UBR4: variants seen among roughly 807,000 people sequenced by gnomAD.
UBR4 encodes E3 ubiquitin-protein ligase UBR4.
UBR4 carries 124 observed loss-of-function variants against 575.6 expected under a neutral mutation model. The ratio of observed to expected loss-of-function variants is 0.22; its 90% CI spans 0.19 to 0.25. UBR4 has a LOEUF of 0.25. Among genes scored for constraint, UBR4 ranks in the 10% least tolerant of loss-of-function variants. The pLI, the probability that UBR4 is intolerant of heterozygous loss-of-function variation, is 1.00. For missense variants in UBR4, 4,818 were observed against 6,478.8 expected (o/e 0.74, Z 8.80); for synonymous variants, 2,455 against 2,473.7 (o/e 0.99, Z 0.22).
Position 19,126,565 on chromosome 1 carries a change from C to A in UBR4, c.9319G>T (p.Glu3107Ter). 6.2e-7 allele frequency: 1 copy of A among 1,614,214 alleles called. No homozygotes were observed. Among genetic ancestry groups the A allele is most frequent in the Non-Finnish European group, 8.5e-7 (1 of 1,180,040 alleles). ...YCLHVLKSLL[E>*]YWKSQQNDEE... is the part of the protein sequence containing the mutation. ...TCATTCTGTTGGCTCTTCCAATATT[C>A]CAGCAGTGATTTGAGCACGTGCAGG... Residue 3107 changes from glutamate (E) to a stop codon, truncating the protein, a stop_gained, in exon 64 of 106, where the codon GAA becomes TAA. Transcript: ENST00000375254. LOFTEE classifies it high-confidence loss of function.
chr1:19,118,149 G>A, intron 71 of UBR4: 1 of 428,268 alleles, frequency 2.3e-6, no homozygotes, highest in Non-Finnish European at 4.2e-6. Context: ...TCCTTCAGAG[G>A]AATTCTAAAA....
Position 19,134,959 on chromosome 1 carries a change from G to GT in UBR4, c.8906+3047dup, listed in dbSNP as rs142748824. On this transcript the variant is annotated intron_variant, in intron 60 of 105. Coordinates refer to ENST00000375254, the MANE Select transcript of UBR4 (RefSeq NM_020765.3). ...GCTGAGAATATAGTCCAGTTTATAG[G>GT]TTTTTTTTTCCTTTTAATGCTTTTG... Among the ~76,000 whole-genome samples the GT allele has an allele frequency of 5.0e-3, 755 of 151,214 alleles. 19 individuals carry two copies. In the East Asian group the frequency reaches 0.068, roughly 14 times the overall value.
chr1:19,134,842 C>T (rs2083011482), intron 60 of UBR4, among the ~76,000 whole-genome samples: 1 of 152,176 alleles, frequency 6.6e-6, no homozygotes, highest in Non-Finnish European at 1.5e-5. Flanking sequence ...TGCACCTGCA[C>T]CCCCGACCCC....
intron 68 of UBR4, among the ~76,000 whole-genome samples, chr1:19,120,549 G>A (rs6668292): frequency 0.01 from 1,533 of 152,328 alleles, 23 homozygotes; most frequent in East Asian, 0.067. Context: ...TATGTGTAAC[G>A]TTGGTGATGC....
At chr1:19,081,678 T>C (rs747937529) in intron 102 of UBR4, 105 bp from the exon 103 acceptor site, 1 of 1,286,210 alleles carries the variant, frequency 7.8e-7, no homozygotes. Context: ...TGACATTTGC[T>C]GAACGCTTGG....
chr1:19,109,863 C>T (rs1289813946), intron 81 of UBR4, among the ~76,000 whole-genome samples: 1 of 152,276 alleles, frequency 6.6e-6, no homozygotes, highest in African/African-American at 2.4e-5. Context: ...TCATCCTTCA[C>T]AGCTAGCCAC....
chr1:19,143,871 A>G (rs571730346), intron 55 of UBR4, 109 bp downstream of exon 55: 1 of 922,178 alleles, frequency 1.1e-6, no homozygotes, highest in Admixed American at 2.2e-5. Flanking sequence ...AGATACATAA[A>G]GTCTCCAGGA....
intron 100 of UBR4, 60 bp from the exon 101 acceptor site, chr1:19,086,330 C>T: frequency 2.5e-5 from 1 of 40,772 alleles, no homozygotes; most frequent in Non-Finnish European, 3.9e-5. Context: ...AACCAGGCAC[C>T]TGGGCGGGGG....
At chr1:19,077,890 G>A in intron 104 of UBR4, 86 bp downstream of exon 104, 4 of 1,608,072 alleles carry the variant, frequency 2.5e-6, no homozygotes, top group Non-Finnish European at 3.4e-6. Flanking sequence ...GAGCAGCCAT[G>A]TGGGTGCTGA....
rs749645294 is a variant in UBR4, at chr1:19,139,235, A to C, written c.8594-15T>G. 3 of 1,593,638 alleles carry C rather than the reference A, an allele frequency of 1.9e-6. No homozygotes were observed. The highest frequency in any genetic ancestry group is 2.6e-6 in the Non-Finnish European group (3 of 1,169,816). Reference sequence around the variant, plus strand: ...TGAGGCTGGAGCTGAGAGAGTAACGAGAGCTGTTACAGGTTAAAAAACAAA... The same window carrying C: ...TGAGGCTGGAGCTGAGAGAGTAACGCGAGCTGTTACAGGTTAAAAAACAAA... On this transcript the variant is annotated splice_polypyrimidine_tract_variant and intron_variant, in intron 58 of 105. Coordinates refer to ENST00000375254, the MANE Select transcript of UBR4 (RefSeq NM_020765.3). This position sits in a 1 kb window ranked among gnomAD's most constrained non-coding sequence, Gnocchi z 4.2.
chr1:19,086,639 G>A (rs2077044182), intron 100 of UBR4, 40 bp downstream of exon 100: 1 of 1,607,700 alleles, frequency 6.2e-7, no homozygotes, highest in Non-Finnish European at 8.5e-7. Context: ...CCCACAGGCA[G>A]GCCTACTGAA....
At position 19,141,399 on chromosome 1, in the gene UBR4, G is replaced by A. The variant is rs770529596; in HGVS notation, c.8436C>T (p.Asp2812=). 9 of 1,614,200 alleles carry A rather than the reference G, an allele frequency of 5.6e-6. No individual in the cohort carries two copies. The highest frequency in any genetic ancestry group is 4.5e-5 in the East Asian group (2 of 44,876). Residue 2812 remains aspartate, a synonymous_variant, in exon 57 of 106, where the codon GAC becomes GAT. Coordinates refer to ENST00000375254, the MANE Select transcript of UBR4 (RefSeq NM_020765.3). ...PMLDIPPDAD[D]ETMVELAIAL... ...CAATGGCTAGTTCAACCATGGTCTC[G>A]TCATCTGCATCAGGTGGGATGTCCA...
In UBR4 at chr1:19,173,077, C is replaced by T. The variant is rs61996302; in HGVS notation, c.3308G>A (p.Ser1103Asn). The change falls in exon 25 of 106, where the codon AGT becomes AAT. Residue 1103 changes from serine to asparagine, a missense_variant. Physicochemically the swap from Ser to Asn is conservative, Grantham distance 46. Transcript: ENST00000375254. ...YFARQISSFC[S>N]IDCTTILQLH... ...CTGCAAGATGGTGGTACAGTCGATA[C>T]TACAGAAGGATGAGATCTTTAAAAA... is the stretch of plus-strand genomic sequence containing the variant. 3 of 1,614,122 alleles carry T rather than the reference C, an allele frequency of 1.9e-6. No homozygotes were observed. In the South Asian group the frequency reaches 3.3e-5, roughly 18 times the overall value.
intron 67 of UBR4, 85 bp downstream of exon 67, chr1:19,121,849 T>G: frequency 2.1e-6 from 3 of 1,430,446 alleles, no homozygotes; most frequent in Non-Finnish European, 2.9e-6. Context: ...ATCTCCAGCA[T>G]CCAGTTCAGT....
chr1:19,199,709 A>G lies in UBR4; in HGVS notation c.320T>C (p.Leu107Pro). Reference protein sequence around the residue: ...LQSVAAACKVLIEFSLLRLEN... With the variant: ...LQSVAAACKVPIEFSLLRLEN... ...CAGACGCAGGAGAGAAAACTCAATT[A>G]GAACTTTACAGGCTGCTGCCACTGA... The change falls in exon 3 of 106, where the codon CTA becomes CCA. Residue 107 changes from leucine (L) to proline (P), a missense_variant. Leu to Pro is a moderately conservative substitution (Grantham distance 98). Transcript: ENST00000375254. 6.2e-7 allele frequency: 1 copy of G among 1,614,202 alleles called. No homozygotes were observed. The highest frequency in any genetic ancestry group is 8.5e-7 in the Non-Finnish European group (1 of 1,180,024).
Position 19,076,246 on chromosome 1 carries a change from G to A in UBR4, c.15487+494C>T, listed in dbSNP as rs188172074. Among the ~76,000 whole-genome samples, 23 of 152,346 alleles carry A rather than the reference G, an allele frequency of 1.5e-4. No homozygotes were observed. The South Asian group carries it at 1.7e-3, about 11-fold the overall frequency. On this transcript the variant is annotated intron_variant, in intron 105 of 105. Coordinates refer to ENST00000375254, the MANE Select transcript of UBR4 (RefSeq NM_020765.3). ...GTCTCCCACACCCACAGTTCAGAGC[G>A]GCCCTGCTGGGTCGCCCATGCCTCC...
In UBR4 at chr1:19,184,063, G is replaced by A. The variant is rs2091288605; in HGVS notation, c.2051C>T (p.Ala684Val). 3.7e-6 allele frequency: 6 copies of A among 1,614,030 alleles called. No homozygotes were observed. The highest frequency in any genetic ancestry group is 5.1e-6 in the Non-Finnish European group (6 of 1,180,026). The change falls in exon 16 of 106, where the codon GCC becomes GTC. Residue 684 changes from alanine to valine, a missense_variant. Around this residue, in one of 29 missense-constraint regions of UBR4, gnomAD observed 1,172 missense variants for 1,259.7 expected, o/e 0.93. Transcript: ENST00000375254. ...LSVSLSEHHM[A>V]TLASIIKEVD... is the part of the protein sequence containing the mutation. ...CTCCTTGATGATACTGGCTAGGGTG[G>A]CCATATGGTGTTCTGAAAGAGATAC...
intron 59 of UBR4, 144 bp from the exon 60 acceptor site, chr1:19,138,325 T>A: frequency 1.2e-6 from 1 of 851,016 alleles, no homozygotes; most frequent in Non-Finnish European, 1.7e-6. Flanking sequence ...TATGTAAAGC[T>A]AAGTAAGACC....
At chr1:19,196,188 A>G (rs764606957) in intron 8 of UBR4, among the ~76,000 whole-genome samples, 4 of 152,130 alleles carry the variant, frequency 2.6e-5, no homozygotes, top group Admixed American at 6.5e-5. Flanking sequence ...CTAAACTTCC[A>G]AAGTACTTTC....
Sources: allele counts gnomAD v4.1 joint callset (sites outside exome capture counted in the v4.1 genomes callset), GRCh38; gene constraint gnomAD v4.1.1; regional missense constraint gnomAD v4.1.1; non-coding constraint Gnocchi (gnomAD v3.1); transcripts MANE v1.5; gene names NCBI Gene and HGNC (gene_info 2026-07-23, HGNC 2026-07-21).